FBXL17: variants seen among roughly 807,000 people sequenced by gnomAD.
FBXL17 encodes F-box and leucine rich repeat protein 17.
A neutral mutation model predicts 66.2 loss-of-function variants in FBXL17; 22 were observed. The ratio of observed to expected loss-of-function variants is 0.33; its 90% CI spans 0.24 to 0.47. FBXL17 has a LOEUF of 0.47. Among genes scored for constraint, FBXL17 ranks in the 20% least tolerant of loss-of-function variants. The probability of loss-of-function intolerance (pLI) is 1.00; values close to 1 mark genes in which losing one functional copy is unlikely to be tolerated. For missense variants in FBXL17, 878 were observed against 948.2 expected (o/e 0.93, Z 0.97); for synonymous variants, 474 against 400.5 (o/e 1.18, Z -2.19).
At chr5:108,049,082 C>A (rs1202395966) in intron 6 of FBXL17, among the ~76,000 whole-genome samples, 1 of 152,090 alleles carries the variant, frequency 6.6e-6, no homozygotes, top group African/African-American at 2.4e-5. Context: ...GGAAGCCCAT[C>A]AGACTAACAG....
chr5:107,998,712 C>G (rs1285366747), intron 7 of FBXL17, among the ~76,000 whole-genome samples: 1 of 152,122 alleles, frequency 6.6e-6, no homozygotes, highest in Non-Finnish European at 1.5e-5. Flanking sequence ...TTCTCATCCT[C>G]AAGTACTCTA....
chr5:108,256,511 T>C (rs2150120235), intron 4 of FBXL17, among the ~76,000 whole-genome samples: 1 of 152,256 alleles, frequency 6.6e-6, no homozygotes. Flanking sequence ...TTTCAGTTCT[T>C]TCATGATCAT....
At chr5:107,866,899 T>C (rs1748290677) in intron 8 of FBXL17, among the ~76,000 whole-genome samples, 2 of 152,224 alleles carry the variant, frequency 1.3e-5, no homozygotes, top group South Asian at 4.1e-4. Context: ...TGGTATATTC[T>C]TGCCCATTAG....
intron 5 of FBXL17, among the ~76,000 whole-genome samples, chr5:108,202,365 A>G (rs1200924863): frequency 6.6e-6 from 1 of 152,178 alleles, no homozygotes; most frequent in African/African-American, 2.4e-5. Flanking sequence ...ATAAAAGAGT[A>G]CCCTCACTGA....
intron 6 of FBXL17, among the ~76,000 whole-genome samples, chr5:108,130,262 A>T (rs987582337): frequency 6.6e-6 from 1 of 151,940 alleles, no homozygotes; most frequent in Admixed American, 6.5e-5. Context: ...TATCCCTTTC[A>T]TATGCACATG....
chr5:107,897,925 G>GAAAGA (rs1265038140), intron 7 of FBXL17, among the ~76,000 whole-genome samples: 2 of 151,858 alleles, frequency 1.3e-5, no homozygotes, highest in African/African-American at 4.8e-5. Flanking sequence ...AAGAAAGAAA[G>GAAAGA]AAAGAAAAAG....
At chr5:108,196,165 T>C (rs527859350) in intron 5 of FBXL17, among the ~76,000 whole-genome samples, 104 of 151,758 alleles carry the variant, frequency 6.9e-4, no homozygotes, top group Non-Finnish European at 1.3e-3. Context: ...TGTGCAGGCA[T>C]ACATCTCACA....
intron 6 of FBXL17, among the ~76,000 whole-genome samples, chr5:108,072,715 G>C (rs200392775): frequency 7.1e-6 from 1 of 141,084 alleles, no homozygotes; most frequent in Non-Finnish European, 1.6e-5. Context: ...CTCAAAAAAA[G>C]AAAGTACAGA....
intron 6 of FBXL17, among the ~76,000 whole-genome samples, chr5:108,096,493 G>A (rs996058297): frequency 6.6e-6 from 1 of 152,186 alleles, no homozygotes; most frequent in African/African-American, 2.4e-5. Flanking sequence ...CCTGGAGTAA[G>A]AGAACATGAT....
At chr5:108,334,373 T>C (rs769928457) in intron 4 of FBXL17, among the ~76,000 whole-genome samples, 1 of 152,186 alleles carries the variant, frequency 6.6e-6, no homozygotes. Flanking sequence ...CTGGTTACTT[T>C]TGATCTGACA....
intron 4 of FBXL17, among the ~76,000 whole-genome samples, chr5:108,308,031 C>T (rs1758933523): frequency 6.6e-6 from 1 of 152,074 alleles, no homozygotes; most frequent in Admixed American, 6.6e-5. Context: ...AATACTGCCT[C>T]ACAGATTCAG....
chr5:107,866,406 A>C (rs1192716843), intron 8 of FBXL17, among the ~76,000 whole-genome samples: 2 of 152,194 alleles, frequency 1.3e-5, no homozygotes, highest in Non-Finnish European at 2.9e-5. Context: ...CTGATATTTT[A>C]ATCTATTTTG....
rs114779635 is a variant in FBXL17, at chr5:107,961,105, C to T, written c.1822+59820G>A. On this transcript the variant is annotated intron_variant, in intron 7 of 8. Transcript: ENST00000542267. ...TGGGGGTCCAGGTTGGTGAGAGACA[C>T]GTCAGGTAGAATAAGCAACACATGC... is the stretch of plus-strand genomic sequence containing the variant. 3.2e-3 allele frequency among the ~76,000 whole-genome samples: 493 copies of T among 152,220 alleles called. 1 individual carries two copies. The highest frequency in any genetic ancestry group is 0.011 in the African/African-American group (457 of 41,526).
At chr5:107,961,740 G>A (rs188212049) in intron 7 of FBXL17, among the ~76,000 whole-genome samples, 1 of 152,220 alleles carries the variant, frequency 6.6e-6, no homozygotes, top group African/African-American at 2.4e-5. Context: ...AAAGATACCT[G>A]ATTCAAGAAT....
intron 7 of FBXL17, among the ~76,000 whole-genome samples, chr5:107,886,405 C>T (rs1379479054): frequency 6.6e-6 from 1 of 152,012 alleles, no homozygotes; most frequent in Non-Finnish European, 1.5e-5. Flanking sequence ...GAACTGAGGG[C>T]AACGGCACCC....
chr5:108,117,940 ATTC>A (rs1345545236), intron 6 of FBXL17, among the ~76,000 whole-genome samples: 1 of 152,152 alleles, frequency 6.6e-6, no homozygotes, highest in African/African-American at 2.4e-5. Context: ...TCCTTCAAGT[ATTC>A]TTCTTTGTCA....
chr5:107,879,710 G>C, intron 8 of FBXL17: 3 of 985,422 alleles, frequency 3.0e-6, no homozygotes, highest in Non-Finnish European at 2.4e-6. Flanking sequence ...TGTCTATTTA[G>C]TTTCACATTA....
At chr5:108,287,851 A>G (rs912101941) in intron 4 of FBXL17, among the ~76,000 whole-genome samples, 12 of 152,092 alleles carry the variant, frequency 7.9e-5, no homozygotes, top group African/African-American at 2.9e-4. Context: ...AATAGCAAAG[A>G]CATGGAATCA....
chr5:108,032,641 C>G (rs962512225), intron 6 of FBXL17, among the ~76,000 whole-genome samples: 1 of 152,138 alleles, frequency 6.6e-6, no homozygotes, highest in Non-Finnish European at 1.5e-5. Flanking sequence ...CTGTAGCTAT[C>G]AGAAGCTGGA....
Sources: gnomAD v4.1 joint callset for allele counts (sites outside exome capture counted in the v4.1 genomes callset) on GRCh38, gnomAD v4.1.1 for gene constraint, MANE v1.5 for transcripts, NCBI Gene and HGNC (gene_info 2026-07-23, HGNC 2026-07-21) for gene names.